The following ARMC8 variants were observed in gnomAD, a reference collection of about 807,000 sequenced individuals.
ARMC8 encodes the protein armadillo repeat-containing protein 8.
A neutral mutation model predicts 99.3 loss-of-function variants in ARMC8; 20 were observed. That is an observed-to-expected ratio of 0.20 (90% confidence interval 0.14 to 0.29). The LOEUF is 0.29. Ranked by LOEUF, ARMC8 falls within the 10% of genes least tolerant of loss-of-function variation. ARMC8 has a pLI of 1.00. For missense variants in ARMC8, 569 were observed against 809.5 expected, an observed-to-expected ratio of 0.70 and a Z score of 3.60; for synonymous variants, 263 against 278.3, an observed-to-expected ratio of 0.95 and a Z score of 0.55.
intron 1 of ARMC8, among the ~76,000 whole-genome samples, chr3:138,189,871 G>C (rs2043278909): frequency 6.6e-6 from 1 of 152,128 alleles, no homozygotes; most frequent in African/African-American, 2.4e-5. Flanking sequence ...TTCTCCTAAG[G>C]GGAATTAGTT....
chr3:138,269,944 G>A, intron 15 of ARMC8, 96 bp from the exon 16 acceptor site: 1 of 690,870 alleles, frequency 1.4e-6, no homozygotes, highest in East Asian at 2.9e-5. Context: ...TTGAGTAAGA[G>A]TGGGGAAGAA....
At chr3:138,191,847 A>G (rs1199040117) in intron 1 of ARMC8, among the ~76,000 whole-genome samples, 1 of 152,006 alleles carries the variant, frequency 6.6e-6, no homozygotes, top group Non-Finnish European at 1.5e-5. Flanking sequence ...GTTCCTTTTT[A>G]TTGTTAAGTA....
chr3:138,240,300 G>T (rs1254921903), intron 10 of ARMC8, among the ~76,000 whole-genome samples: 2 of 152,138 alleles, frequency 1.3e-5, no homozygotes, highest in African/African-American at 4.8e-5. Context: ...TGTTCAAAAG[G>T]TGATCCCAAG....
rs2043143527 is a variant in ARMC8, at chr3:138,187,727, C to T, written c.45+128C>T. The T allele has an allele frequency of 6.6e-6, 7 of 1,054,752 alleles. No individual in the cohort carries two copies. The Admixed American group carries it at 1.1e-4, about 17-fold the overall frequency. 65.3% of individuals were successfully genotyped at this position (1,054,752 alleles called of 1,614,324 possible). On this transcript the variant is annotated intron_variant, in intron 1 of 21. Transcript: ENST00000469044. ...GGTGGACCCCGGCTCAGTCTCGGGC[C>T]AGGGAGTGAGCGAGGGTGGAGAGGC...
At chr3:138,246,673 ATTTGTACTTC>A in intron 12 of ARMC8, 1 of 985,462 alleles carries the variant, frequency 1.0e-6, no homozygotes, top group Non-Finnish European at 1.2e-6. Flanking sequence ...TAGGATGTCC[ATTTGTACTTC>A]TTTGTACTTT....
At chr3:138,204,034 C>A (rs922940994) in intron 1 of ARMC8, among the ~76,000 whole-genome samples, 1 of 152,198 alleles carries the variant, frequency 6.6e-6, no homozygotes, top group Admixed American at 6.5e-5. Context: ...TTTCTTCAAA[C>A]CACTCACATT....
chr3:138,252,744 C>G (rs1379983199), intron 12 of ARMC8, among the ~76,000 whole-genome samples: 1 of 26,822 alleles, frequency 3.7e-5, no homozygotes, highest in Non-Finnish European at 1.4e-4. Context: ...GTGAGCCACC[C>G]CGCCCCCCCC....
Position 138,297,835 on chromosome 3 carries a change from A to G in ARMC8, c.*1943A>G, listed in dbSNP as rs999558786. The G allele has an allele frequency of 3.9e-5, 6 of 152,324 alleles. No individual in the cohort carries two copies. In the East Asian group the frequency reaches 5.8e-4, roughly 15 times the overall value. The allele number at this position is 152,324 out of a possible 1,614,324, so 9.4% of individuals were successfully genotyped here. Reference sequence around the variant, plus strand: ...ATCCTTGGTTGGCATTTTTAACACAAAACACTATAGTGTTGGTATTAAATA... The same window carrying G: ...ATCCTTGGTTGGCATTTTTAACACAGAACACTATAGTGTTGGTATTAAATA... On this transcript the variant is annotated 3_prime_UTR_variant, in exon 22 of 22. Coordinates refer to ENST00000469044, the MANE Select transcript of ARMC8 (RefSeq NM_001363941.2).
intron 1 of ARMC8, among the ~76,000 whole-genome samples, chr3:138,192,364 G>A (rs188985388): frequency 4.0e-4 from 57 of 142,022 alleles, no homozygotes; most frequent in East Asian, 2.2e-4. Context: ...TGCAAGCTCC[G>A]CCTCCTGGGT....
intron 12 of ARMC8, chr3:138,261,387 G>C (rs1207069659): frequency 6.6e-6 from 1 of 152,136 alleles, no homozygotes; most frequent in Admixed American, 6.5e-5. Flanking sequence ...GAACAAGCAG[G>C]TTTAGCCAAG....
Position 138,221,949 on chromosome 3 carries a change from G to A in ARMC8, c.146G>A (p.Gly49Glu). The A allele has an allele frequency of 1.2e-6, 2 of 1,613,248 alleles. No homozygotes were observed. Among genetic ancestry groups the A allele is most frequent in the Non-Finnish European group, 1.7e-6 (2 of 1,179,522 alleles). The change falls in exon 3 of 22, where the codon GGA becomes GAA. Residue 49 changes from glycine (G) to glutamate (E), a missense_variant. Transcript: ENST00000469044. Reference sequence around the variant, plus strand: ...AGAGACATGAAAAATGCTGTAATTGGAAACAACAAGCAGAAAGCCAATCTC... The same window carrying A: ...AGAGACATGAAAAATGCTGTAATTGAAAACAACAAGCAGAAAGCCAATCTC... ...GVIDMKNAVI[G>E]NNKQKANLIV... is the part of the protein sequence containing the mutation.
At chr3:138,214,216 A>G (rs1046575625) in intron 2 of ARMC8, among the ~76,000 whole-genome samples, 10 of 151,594 alleles carry the variant, frequency 6.6e-5, no homozygotes, top group Non-Finnish European at 1.2e-4. Context: ...TGATATTGCT[A>G]TGTTGAAAAG....
intron 2 of ARMC8, among the ~76,000 whole-genome samples, chr3:138,219,941 C>T (rs112983829): frequency 0.034 from 5,193 of 152,094 alleles, 311 homozygotes; most frequent in African/African-American, 0.12. Context: ...TGTTAGGGAC[C>T]GCTCATTTCT....
chr3:138,258,964 G>A (rs1445828776), intron 12 of ARMC8, among the ~76,000 whole-genome samples: 1 of 152,176 alleles, frequency 6.6e-6, no homozygotes, highest in Non-Finnish European at 1.5e-5. Flanking sequence ...GATCCAACCA[G>A]CTATGCCACA....
Position 138,243,490 on chromosome 3 carries a change from T to C in ARMC8, c.1038+1507T>C, listed in dbSNP as rs974529735. The stretch of plus-strand genomic sequence containing the variant: ...ATTATATCTTAATTTATGACTAGAA[T>C]GTAGTTAAGACTTTAAGAGTAGATA... On this transcript the variant is annotated intron_variant, in intron 11 of 21. Coordinates refer to ENST00000469044, the MANE Select transcript of ARMC8 (RefSeq NM_001363941.2). Among the ~76,000 whole-genome samples the C allele has an allele frequency of 3.9e-5, 6 of 152,316 alleles. 1 individual carries two copies. The highest frequency in any genetic ancestry group is 2.0e-4 in the Admixed American group (3 of 15,294).
intron 1 of ARMC8, among the ~76,000 whole-genome samples, chr3:138,206,546 G>T (rs992401341): frequency 2.6e-5 from 4 of 152,310 alleles, no homozygotes; most frequent in Admixed American, 2.0e-4. Context: ...CCCTAGGTAG[G>T]TGCACAGTCT....
chr3:138,231,147 G>T (rs532873885), intron 6 of ARMC8, among the ~76,000 whole-genome samples: 13 of 152,168 alleles, frequency 8.5e-5, no homozygotes, highest in Non-Finnish European at 1.6e-4. Context: ...TATAAATCCA[G>T]TGACGTTAGT....
intron 18 of ARMC8, among the ~76,000 whole-genome samples, chr3:138,283,793 C>T (rs2050150856): frequency 6.6e-6 from 1 of 152,226 alleles, no homozygotes; most frequent in Admixed American, 6.5e-5. Flanking sequence ...CCAGCTGGCA[C>T]AGGCTTCCTC....
At chr3:138,192,162 A>G (rs2043422452) in intron 1 of ARMC8, among the ~76,000 whole-genome samples, 1 of 151,220 alleles carries the variant, frequency 6.6e-6, no homozygotes, top group African/African-American at 2.4e-5. Context: ...TGATACTGTT[A>G]TTATTTTTAT....
Sources: gnomAD v4.1 joint callset for allele counts (sites outside exome capture counted in the v4.1 genomes callset) on GRCh38, gnomAD v4.1.1 for gene constraint, MANE v1.5 for transcripts, NCBI Gene and HGNC (gene_info 2026-07-23, HGNC 2026-07-21) for gene names.